Variants in RNF217 observed in about 807,000 individuals in gnomAD.
RNF217 encodes the protein E3 ubiquitin-protein ligase RNF217.
A neutral mutation model predicts 57.8 loss-of-function variants in RNF217; 31 were observed. The observed-to-expected ratio is 0.54, with a 90% confidence interval of 0.40 to 0.72. RNF217 has a LOEUF of 0.72. RNF217 is among the 30% of genes least tolerant of loss of function. The pLI, the probability that RNF217 is intolerant of heterozygous loss-of-function variation, is 0.00. For missense variants in RNF217, 696 were observed against 708.3 expected (o/e 0.98, Z 0.20); for synonymous variants, 313 against 294.0 (o/e 1.06, Z -0.66).
At chr6:125,017,720 GA>G (rs1785665174) in intron 1 of RNF217, among the ~76,000 whole-genome samples, 1 of 152,042 alleles carries the variant, frequency 6.6e-6, no homozygotes, top group Non-Finnish European at 1.5e-5. Flanking sequence ...ATTAACTTTG[GA>G]AGGTTATAAT....
rs1207591758 is a variant in RNF217 at position 124,962,666 on chromosome 6, C to T, written c.122C>T (p.Pro41Leu). The part of the protein sequence containing the change: ...PRPQGDSARA[P>L]PLRAASAEPS... ...CCTCAGGGGGACAGCGCCCGGGCGC[C>T]CCCGCTGCGCGCCGCCTCCGCGGAG... Residue 41 changes from proline (P) to leucine (L), a missense_variant, in exon 1 of 6, where the codon CCC (proline) becomes CTC (leucine). Physicochemically the swap from Pro to Leu is moderately conservative, Grantham distance 98 (BLOSUM62 -3). Around this residue, in one of 2 missense-constraint regions of RNF217, gnomAD observed 465 missense variants for 386.8 expected, o/e 1.20. Coordinates refer to ENST00000521654, the MANE Select transcript of RNF217 (RefSeq NM_001286398.3). This position sits in a 1 kb window ranked among gnomAD's most constrained non-coding sequence, Gnocchi z 4.6. 1.5e-6 allele frequency: 2 copies of T among 1,340,016 alleles called. No homozygotes were observed. The allele number at this position is 1,340,016 out of a possible 1,614,324, so 83.0% of individuals were successfully genotyped here. A position where few individuals can be genotyped will look rare whatever the true frequency, so the allele number is the denominator to read the frequency against.
rs760630038 is a variant in RNF217, at chr6:125,045,404, G to T, written c.1076G>T (p.Gly359Val). ...CKHFTTFKKK[G>V]HIPTPSRSES... ...CACTTTACAACCTTCAAGAAAAAAG[G>T]ACATATTCCCACCCCTTCCAGATCA... The change falls in exon 2 of 6, where the codon GGA becomes GTA. Residue 359 changes from glycine (G) to valine (V), a missense_variant. Physicochemically the swap from Gly to Val is moderately radical, Grantham distance 109 (BLOSUM62 -3). Transcript: ENST00000521654. The T allele has an allele frequency of 1.5e-5, 25 of 1,612,994 alleles. No homozygotes were observed. In the Admixed American group the frequency reaches 1.7e-4, roughly 11 times the overall value.
At chr6:124,971,536 A>G (rs1219838238) in intron 1 of RNF217, 2 of 295,490 alleles carry the variant, frequency 6.8e-6, no homozygotes, top group East Asian at 1.3e-4. Flanking sequence ...GCTCACGGAA[A>G]CCTCCACATC....
At chr6:125,036,822 A>C (rs1482102998) in intron 1 of RNF217, among the ~76,000 whole-genome samples, 1 of 151,536 alleles carries the variant, frequency 6.6e-6, no homozygotes, top group Non-Finnish European at 1.5e-5. Context: ...ATACCATCTC[A>C]TGCCACTTAG....
At chr6:125,073,329 G>A (rs1465477765) in intron 3 of RNF217, among the ~76,000 whole-genome samples, 1 of 152,140 alleles carries the variant, frequency 6.6e-6, no homozygotes, top group Non-Finnish European at 1.5e-5. Flanking sequence ...GAGGGTAAGT[G>A]CTGGACTAGG....
intron 1 of RNF217, among the ~76,000 whole-genome samples, chr6:124,967,450 T>C (rs980715152): frequency 6.6e-6 from 1 of 152,230 alleles, no homozygotes; most frequent in Non-Finnish European, 1.5e-5. Context: ...TTTAGTACTT[T>C]AGATGAAGAA....
chr6:124,990,303 C>T (rs1176588301), intron 1 of RNF217, among the ~76,000 whole-genome samples: 1 of 152,008 alleles, frequency 6.6e-6, no homozygotes, highest in African/African-American at 2.4e-5. Context: ...TTATCTTATC[C>T]AATTTCTGGT....
chr6:125,028,598 T>C (rs1384373256), intron 1 of RNF217, among the ~76,000 whole-genome samples: 1 of 152,118 alleles, frequency 6.6e-6, no homozygotes, highest in Admixed American at 6.5e-5. Context: ...GCAAAATGTA[T>C]TATAATTCAG....
intron 1 of RNF217, among the ~76,000 whole-genome samples, chr6:124,965,667 A>G (rs532828245): frequency 1.5e-4 from 23 of 152,264 alleles, no homozygotes; most frequent in African/African-American, 5.5e-4. Flanking sequence ...GGGCTTTTGT[A>G]CTTGGTTTTC....
chr6:125,043,142 C>G (rs1786950940), intron 1 of RNF217, among the ~76,000 whole-genome samples: 1 of 152,062 alleles, frequency 6.6e-6, no homozygotes, highest in Non-Finnish European at 1.5e-5. Flanking sequence ...ACTTTGTGGT[C>G]CAGTCTGCTG....
intron 1 of RNF217, among the ~76,000 whole-genome samples, chr6:125,025,856 C>G (rs1187150509): frequency 1.3e-5 from 2 of 152,196 alleles, no homozygotes; most frequent in African/African-American, 4.8e-5. Flanking sequence ...GTGTTCTCAG[C>G]TGATCCTGTT....
At chr6:124,975,513 C>T (rs1783924108) in intron 1 of RNF217, among the ~76,000 whole-genome samples, 1 of 152,154 alleles carries the variant, frequency 6.6e-6, no homozygotes, top group Non-Finnish European at 1.5e-5. Flanking sequence ...TCACTGCAGC[C>T]TCTAACTCCC....
chr6:125,036,831 A>C (rs994589356), intron 1 of RNF217, among the ~76,000 whole-genome samples: 1 of 151,314 alleles, frequency 6.6e-6, no homozygotes, highest in Non-Finnish European at 1.5e-5. Flanking sequence ...CATGCCACTT[A>C]GAATGGCGAT....
In RNF217 at chr6:125,088,828, T is replaced by C. The variant is rs906224045; in HGVS notation, c.*5891T>C. 6.6e-5 allele frequency: 10 copies of C among 152,536 alleles called. No homozygotes were observed. The highest frequency in any genetic ancestry group is 2.4e-4 in the African/African-American group (10 of 41,458). The allele number at this position is 152,536 out of a possible 1,614,324, so 9.4% of individuals were successfully genotyped here. On this transcript the variant is annotated 3_prime_UTR_variant, in exon 6 of 6. Transcript: ENST00000521654. ...TTTTTTTCAGTTCTGTGCTATATTCTGTCACTCTATTCCATTATTAATACT... is the reference window on the plus strand; with the variant it reads ...TTTTTTTCAGTTCTGTGCTATATTCCGTCACTCTATTCCATTATTAATACT...
In RNF217 at chr6:124,963,115, G is replaced by C; in HGVS notation, c.571G>C (p.Ala191Pro). 6.5e-7 allele frequency: 1 copy of C among 1,537,184 alleles called. No homozygotes were observed. The highest frequency in any genetic ancestry group is 8.7e-7 in the Non-Finnish European group (1 of 1,147,866). Reference sequence around the variant, plus strand: ...CTCGCCGCCCGCGTCGCCACCTGGGGCTCCGCCAGTGTTGAACCCTCCCAG... The same window carrying C: ...CTCGCCGCCCGCGTCGCCACCTGGGCCTCCGCCAGTGTTGAACCCTCCCAG... ...QLSPPASPPG[A>P]PPVLNPPSTR... Residue 191 changes from alanine to proline, a missense_variant, in exon 1 of 6, where the codon GCT (alanine) becomes CCT (proline). Physicochemically the swap from Ala to Pro is conservative, Grantham distance 27. Transcript: ENST00000521654.
At chr6:125,034,089 A>C (rs1424761094) in intron 1 of RNF217, among the ~76,000 whole-genome samples, 1 of 151,650 alleles carries the variant, frequency 6.6e-6, no homozygotes, top group Non-Finnish European at 1.5e-5. Flanking sequence ...TAGATTCTGG[A>C]TATTAGCCCT....
At chr6:125,019,252 C>A (rs933850865) in intron 1 of RNF217, among the ~76,000 whole-genome samples, 4 of 152,118 alleles carry the variant, frequency 2.6e-5, no homozygotes, top group Non-Finnish European at 5.9e-5. Flanking sequence ...GTTTTTCAAT[C>A]GTAGCTATTT....
intron 3 of RNF217, among the ~76,000 whole-genome samples, chr6:125,067,371 C>T (rs1787972255): frequency 6.6e-6 from 1 of 152,044 alleles, no homozygotes; most frequent in South Asian, 2.1e-4. Flanking sequence ...AGGTTGGCTG[C>T]TTGTTGATTT....
chr6:125,082,934 G>C lies in RNF217; in HGVS notation c.1626G>C (p.Trp542Cys), dbSNP rs760321373. ...AACGATCACGGACAGGTATGCACTG[G>C]TAACATGCAGATGATTTCATCCAGC... Reference protein sequence around the residue: ...QRKRSRTGMHW With the variant: ...QRKRSRTGMHC The change falls in exon 6 of 6, where the codon TGG (tryptophan) becomes TGC (cysteine). Residue 542 changes from tryptophan to cysteine, a missense_variant. Coordinates refer to ENST00000521654, the MANE Select transcript of RNF217 (RefSeq NM_001286398.3). 1 of 1,593,982 alleles carries C rather than the reference G, an allele frequency of 6.3e-7. No individual in the cohort carries two copies. Among genetic ancestry groups the C allele is most frequent in the Non-Finnish European group, 8.5e-7 (1 of 1,173,366 alleles).
Sources: allele counts gnomAD v4.1 joint callset (sites outside exome capture counted in the v4.1 genomes callset), GRCh38; gene constraint gnomAD v4.1.1; regional missense constraint gnomAD v4.1.1; non-coding constraint Gnocchi (gnomAD v3.1); transcripts MANE v1.5; gene names NCBI Gene and HGNC (gene_info 2026-07-23, HGNC 2026-07-21).